Variants in SCHIP1 observed in about 807,000 individuals in gnomAD.
The protein encoded by SCHIP1 is schwannomin interacting protein 1, also known as schwannomin-interacting protein 1.
A neutral mutation model predicts 29.7 loss-of-function variants in SCHIP1; 8 were observed. That is an observed-to-expected ratio of 0.27 (90% CI 0.16 to 0.49). SCHIP1 has a LOEUF of 0.49. Ranked by LOEUF, SCHIP1 falls within the 20% of genes least tolerant of loss-of-function variation. The pLI is 0.99. For missense variants in SCHIP1, 193 were observed against 294.6 expected, an observed-to-expected ratio of 0.66 and a Z score of 2.52; for synonymous variants, 76 against 94.9, an observed-to-expected ratio of 0.80 and a Z score of 1.16.
the SCHIP1 span, among the ~76,000 whole-genome samples, chr3:159,403,272 C>T: frequency 6.6e-6 from 1 of 152,164 alleles, no homozygotes; most frequent in Non-Finnish European, 1.5e-5. Flanking sequence ...ACTCTCCCCA[C>T]AGAAACACCA....
intron 1 of SCHIP1, among the ~76,000 whole-genome samples, chr3:159,852,299 AT>A (rs1220887704): frequency 4.6e-5 from 7 of 152,334 alleles, no homozygotes; most frequent in African/African-American, 1.7e-4. Context: ...AGAGTGTAAG[AT>A]GGTGTTGCTA....
the SCHIP1 span, chr3:159,386,680 G>T: frequency 6.6e-6 from 1 of 152,198 alleles, no homozygotes; most frequent in Non-Finnish European, 1.5e-5. Context: ...GCATGGTACT[G>T]GTACCAAAAC....
At chr3:159,525,386 T>C in the SCHIP1 span, among the ~76,000 whole-genome samples, 1 of 152,144 alleles carries the variant, frequency 6.6e-6, no homozygotes, top group African/African-American at 2.4e-5. Flanking sequence ...AAATATTTGC[T>C]GAATGAATGA....
the SCHIP1 span, among the ~76,000 whole-genome samples, chr3:159,385,339 G>A: frequency 2.8e-4 from 43 of 152,204 alleles, no homozygotes; most frequent in African/African-American, 1.0e-3. Context: ...GGGCAGATCA[G>A]TTGAGGCCAG....
the SCHIP1 span, among the ~76,000 whole-genome samples, chr3:159,689,316 C>T: frequency 6.6e-6 from 1 of 152,034 alleles, no homozygotes; most frequent in East Asian, 1.9e-4. Flanking sequence ...TCTTCACATC[C>T]CTTGTAAGTT....
the SCHIP1 span, among the ~76,000 whole-genome samples, chr3:159,448,314 T>C: frequency 6.6e-6 from 1 of 151,966 alleles, no homozygotes; most frequent in Non-Finnish European, 1.5e-5. Flanking sequence ...CTACTAAAAA[T>C]ACAAAAATTA....
At chr3:159,414,753 G>A in the SCHIP1 span, among the ~76,000 whole-genome samples, 29 of 152,170 alleles carry the variant, frequency 1.9e-4, no homozygotes, top group Non-Finnish European at 3.1e-4. Context: ...TTGGAGGGCA[G>A]GGATGGTTTT....
chr3:159,426,713 T>C, the SCHIP1 span, among the ~76,000 whole-genome samples: 45 of 152,060 alleles, frequency 3.0e-4, no homozygotes, highest in Non-Finnish European at 1.8e-4. Context: ...ATACCAAAGC[T>C]GGGCAGAGAC....
At chr3:159,508,548 A>C in the SCHIP1 span, among the ~76,000 whole-genome samples, 1 of 151,922 alleles carries the variant, frequency 6.6e-6, no homozygotes, top group Non-Finnish European at 1.5e-5. Context: ...TAGTTCTTTT[A>C]ATTGTGATGT....
chr3:159,785,411 A>G, the SCHIP1 span, among the ~76,000 whole-genome samples: 1 of 152,204 alleles, frequency 6.6e-6, no homozygotes, highest in South Asian at 2.1e-4. Flanking sequence ...CATATTAAAG[A>G]CATGTTATCG....
At chr3:159,371,345 A>G in the SCHIP1 span, among the ~76,000 whole-genome samples, 14 of 152,060 alleles carry the variant, frequency 9.2e-5, no homozygotes, top group African/African-American at 2.2e-4. Flanking sequence ...GGCAAGTTTA[A>G]TAAGATAGAT....
chr3:159,670,902 A>C, the SCHIP1 span, among the ~76,000 whole-genome samples: 2 of 151,992 alleles, frequency 1.3e-5, no homozygotes, highest in South Asian at 2.1e-4. Flanking sequence ...TGTGTGTGTA[A>C]GTAATCGGGA....
chr3:159,504,531 C>T, the SCHIP1 span, among the ~76,000 whole-genome samples: 1 of 152,168 alleles, frequency 6.6e-6, no homozygotes, highest in Non-Finnish European at 1.5e-5. Context: ...CAGTTTAACA[C>T]ACCAGCATTG....
At chr3:159,702,200 G>T in the SCHIP1 span, among the ~76,000 whole-genome samples, 1 of 152,160 alleles carries the variant, frequency 6.6e-6, no homozygotes, top group African/African-American at 2.4e-5. Context: ...AAAATCTCCA[G>T]TTGGCATAGT....
At chr3:159,764,373 A>C in the SCHIP1 span, 2 of 1,502,378 alleles carry the variant, frequency 1.3e-6, no homozygotes, top group East Asian at 4.7e-5. The surrounding 1 kb of genome is among the most constrained non-coding windows in gnomAD (Gnocchi z 6.1). Flanking sequence ...GAGCCGGGGC[A>C]TTTGGGGCGG....
the SCHIP1 span, among the ~76,000 whole-genome samples, chr3:159,600,737 G>A: frequency 8.9e-4 from 135 of 152,060 alleles, 1 homozygote; most frequent in South Asian, 0.014. Context: ...ATATTTCCTT[G>A]CTTTTTTCAC....
chr3:159,407,435 C>T, the SCHIP1 span, among the ~76,000 whole-genome samples: 1 of 152,168 alleles, frequency 6.6e-6, no homozygotes, highest in African/African-American at 2.4e-5. Flanking sequence ...AGTACATTAA[C>T]TGAGGACTTC....
chr3:159,606,188 C>T, the SCHIP1 span, among the ~76,000 whole-genome samples: 8 of 152,176 alleles, frequency 5.3e-5, no homozygotes, highest in Admixed American at 5.2e-4. Context: ...CGGACTAGTA[C>T]ATTTTCAAAT....
At chr3:159,671,904 A>T in the SCHIP1 span, among the ~76,000 whole-genome samples, 1 of 152,124 alleles carries the variant, frequency 6.6e-6, no homozygotes, top group African/African-American at 2.4e-5. Flanking sequence ...GCCTCCATGT[A>T]TTTCCCCAAA....
Sources: gnomAD v4.1 joint callset for allele counts (sites outside exome capture counted in the v4.1 genomes callset) on GRCh38, gnomAD v4.1.1 for gene constraint, Gnocchi (gnomAD v3.1) non-coding constraint, MANE v1.5 for transcripts, NCBI Gene and HGNC (gene_info 2026-07-23, HGNC 2026-07-21) for gene names.